Variants in GABRB1 observed in about 807,000 individuals in gnomAD.
GABRB1 encodes the protein gamma-aminobutyric acid receptor subunit beta-1.
GABRB1 carries 17 observed loss-of-function variants against 51.6 expected under a neutral mutation model. The observed-to-expected ratio is 0.33, with a 90% CI of 0.23 to 0.49. The LOEUF is 0.49. Among genes scored for constraint, GABRB1 ranks in the 20% least tolerant of loss-of-function variants. GABRB1 has a pLI of 0.99. For synonymous variants in GABRB1, 247 were observed against 218.9 expected, an observed-to-expected ratio of 1.13 and a Z score of -1.14; for missense variants, 410 against 600.6, an observed-to-expected ratio of 0.68 and a Z score of 3.32.
chr4:47,258,529 A>G (rs577784356), intron 4 of GABRB1, among the ~76,000 whole-genome samples: 1 of 152,298 alleles, frequency 6.6e-6, no homozygotes, highest in Admixed American at 6.5e-5. Flanking sequence ...TGAGGATATG[A>G]GAACAAACAT....
At chr4:47,375,981 T>C (rs1727361858) in intron 5 of GABRB1, among the ~76,000 whole-genome samples, 1 of 152,174 alleles carries the variant, frequency 6.6e-6, no homozygotes, top group South Asian at 2.1e-4. Flanking sequence ...ATTTTTTATG[T>C]GCCAAAGGAA....
chr4:47,291,650 C>T (rs958024989), intron 4 of GABRB1, among the ~76,000 whole-genome samples: 1 of 152,212 alleles, frequency 6.6e-6, no homozygotes. Flanking sequence ...TGGGAAGCTA[C>T]CTCTTTCATC....
At chr4:47,018,628 AT>A (rs1160502493) in intron 1 of GABRB1, among the ~76,000 whole-genome samples, 1 of 152,180 alleles carries the variant, frequency 6.6e-6, no homozygotes, top group Non-Finnish European at 1.5e-5. Flanking sequence ...CAAGCAGTTG[AT>A]TGACACATAT....
At chr4:47,266,410 T>C (rs1160470164) in intron 4 of GABRB1, among the ~76,000 whole-genome samples, 1 of 152,102 alleles carries the variant, frequency 6.6e-6, no homozygotes, top group African/African-American at 2.4e-5. Flanking sequence ...ATTTGGGCTC[T>C]TTTTTTGGTT....
At chr4:47,296,788 C>A (rs1724017647) in intron 4 of GABRB1, among the ~76,000 whole-genome samples, 1 of 152,272 alleles carries the variant, frequency 6.6e-6, no homozygotes, top group Non-Finnish European at 1.5e-5. Context: ...TTCTCCACCC[C>A]AAATCAACAG....
At chr4:47,305,023 G>A (rs936445615) in intron 4 of GABRB1, among the ~76,000 whole-genome samples, 2 of 152,046 alleles carry the variant, frequency 1.3e-5, no homozygotes, top group Non-Finnish European at 2.9e-5. Context: ...GGCAAGGACA[G>A]TCATTTTGTT....
chr4:47,419,914 A>G (rs1171801764), intron 8 of GABRB1, among the ~76,000 whole-genome samples: 3 of 152,144 alleles, frequency 2.0e-5, no homozygotes, highest in Admixed American at 6.5e-5. Flanking sequence ...CTGGTCATCT[A>G]TCTGAAGTGG....
At chr4:47,223,303 G>T (rs1203980015) in intron 4 of GABRB1, among the ~76,000 whole-genome samples, 1 of 151,978 alleles carries the variant, frequency 6.6e-6, no homozygotes, top group African/African-American at 2.4e-5. Flanking sequence ...TTTTTCATTT[G>T]TTATGGGAGT....
At chr4:47,032,647 G>T (rs984772966) in intron 3 of GABRB1, 163 bp downstream of exon 3, 1 of 741,520 alleles carries the variant, frequency 1.3e-6, no homozygotes. Flanking sequence ...GTCGCCCCTG[G>T]TTTGTAATTT....
chr4:47,296,627 C>T (rs1329073098), intron 4 of GABRB1, among the ~76,000 whole-genome samples: 2 of 152,180 alleles, frequency 1.3e-5, no homozygotes, highest in Non-Finnish European at 2.9e-5. Flanking sequence ...TAGAGATGTA[C>T]AAAGAGACTT....
chr4:47,021,297 A>G (rs1724921682), intron 1 of GABRB1, among the ~76,000 whole-genome samples: 1 of 152,164 alleles, frequency 6.6e-6, no homozygotes, highest in Non-Finnish European at 1.5e-5. Context: ...GCCAGACAGA[A>G]TTCCAGATAA....
intron 3 of GABRB1, among the ~76,000 whole-genome samples, chr4:47,094,238 T>TG: frequency 6.7e-6 from 1 of 149,996 alleles, no homozygotes; most frequent in Non-Finnish European, 1.5e-5. Context: ...TCTTTTTTTT[T>TG]TTTTTTTGAC....
chr4:47,362,123 A>G (rs892280425), intron 5 of GABRB1, among the ~76,000 whole-genome samples: 1 of 152,198 alleles, frequency 6.6e-6, no homozygotes, highest in African/African-American at 2.4e-5. Flanking sequence ...AGAAAACAAT[A>G]TCAGAGAAGC....
At chr4:47,362,919 C>T (rs1309025816) in intron 5 of GABRB1, among the ~76,000 whole-genome samples, 8 of 152,018 alleles carry the variant, frequency 5.3e-5, no homozygotes, top group Non-Finnish European at 1.5e-5. Context: ...ACAGATACTG[C>T]TAGTACACTG....
At chr4:47,102,345 T>C (rs1195219885) in intron 3 of GABRB1, among the ~76,000 whole-genome samples, 1 of 152,026 alleles carries the variant, frequency 6.6e-6, no homozygotes, top group African/African-American at 2.4e-5. Context: ...TCAAGAGGCA[T>C]GTATCTGAGG....
intron 3 of GABRB1, among the ~76,000 whole-genome samples, chr4:47,108,879 T>C (rs913054065): frequency 6.6e-6 from 1 of 152,030 alleles, no homozygotes; most frequent in African/African-American, 2.4e-5. Flanking sequence ...TCAAATTATC[T>C]ACCTTACCTA....
At chr4:47,088,297 T>C (rs1258855749) in intron 3 of GABRB1, among the ~76,000 whole-genome samples, 2 of 152,012 alleles carry the variant, frequency 1.3e-5, no homozygotes, top group Non-Finnish European at 2.9e-5. Context: ...AGGCAAACAA[T>C]AACAAATGCA....
chr4:47,403,855 A>T (rs1318958640), intron 7 of GABRB1, 144 bp downstream of exon 7: 1 of 729,948 alleles, frequency 1.4e-6, no homozygotes, highest in African/African-American at 1.8e-5. Context: ...AAACATCTAA[A>T]TGTAAGAATG....
intron 4 of GABRB1, among the ~76,000 whole-genome samples, chr4:47,178,095 C>T (rs2109765279): frequency 6.6e-6 from 1 of 152,034 alleles, no homozygotes; most frequent in South Asian, 2.1e-4. Context: ...GTTATATGAC[C>T]TTGGGCACAA....
Sources: gnomAD v4.1 joint callset for allele counts (sites outside exome capture counted in the v4.1 genomes callset) on GRCh38, gnomAD v4.1.1 for gene constraint, MANE v1.5 for transcripts, NCBI Gene and HGNC (gene_info 2026-07-23, HGNC 2026-07-21) for gene names.